The following ZNF791 variants were observed in gnomAD, a reference collection of about 807,000 sequenced individuals.
The protein encoded by ZNF791 is zinc finger protein 791.
ZNF791 carries 4 observed loss-of-function variants against 11.5 expected under a neutral mutation model. The ratio of observed to expected loss-of-function variants is 0.35; its 90% CI spans 0.17 to 0.80. ZNF791 has a LOEUF of 0.80. Among genes scored for constraint, ZNF791 ranks in the 30% least tolerant of loss-of-function variants. The probability of loss-of-function intolerance (pLI) is 0.53; values close to 1 mark genes in which losing one functional copy is unlikely to be tolerated. For missense variants in ZNF791, 559 were observed against 699.4 expected (o/e 0.80, Z 2.26); for synonymous variants, 212 against 228.1 (o/e 0.93, Z 0.64).
At chr19:12,622,524 C>G (rs918662111) in intron 1 of ZNF791, among the ~76,000 whole-genome samples, 1 of 150,790 alleles carries the variant, frequency 6.6e-6, no homozygotes, top group African/African-American at 2.4e-5. Flanking sequence ...TTATTCATAC[C>G]TGTTATCACA....
chr19:12,622,411 CAA>C (rs370413296), intron 1 of ZNF791, among the ~76,000 whole-genome samples: 17 of 79,604 alleles, frequency 2.1e-4, no homozygotes, highest in South Asian at 9.7e-4. Flanking sequence ...CTGTCTCAAA[CAA>C]AAAAAAAAAA....
rs7246599 is a variant in ZNF791, at chr19:12,632,954, G to T, written c.*3694G>T. ...ACTATAAATACAAAAAATTAGCTGG[G>T]CATGGTGGCGGGCGTCTGTAGTCCC... On this transcript the variant is annotated 3_prime_UTR_variant, in exon 4 of 4. Coordinates refer to ENST00000343325, the MANE Select transcript of ZNF791 (RefSeq NM_153358.3). The T allele has an allele frequency of 6.6e-6, 1 of 151,926 alleles. No individual in the cohort carries two copies. The highest frequency in any genetic ancestry group is 6.6e-5 in the Admixed American group (1 of 15,204). The allele number at this position is 151,926 out of a possible 1,614,324, so 9.4% of individuals were successfully genotyped here. A position where few individuals can be genotyped will look rare whatever the true frequency, so the allele number is the denominator to read the frequency against.
chr19:12,625,858 T>A (rs1442839515), intron 3 of ZNF791, among the ~76,000 whole-genome samples: 1 of 151,940 alleles, frequency 6.6e-6, no homozygotes, highest in Non-Finnish European at 1.5e-5. Flanking sequence ...GTTTGTTTGT[T>A]TTGTGAAACA....
intron 1 of ZNF791, among the ~76,000 whole-genome samples, chr19:12,618,808 A>AGTGTGTGTGTGT (rs60468264): frequency 7.0e-6 from 1 of 143,612 alleles, no homozygotes; most frequent in Admixed American, 7.1e-5. Flanking sequence ...TTTACCTCTC[A>AGTGTGTGTGTGT]GTGTGTGTGT....
chr19:12,613,442 G>C (rs8101502), intron 1 of ZNF791, among the ~76,000 whole-genome samples: 9,426 of 152,092 alleles, frequency 0.062, 699 homozygotes, highest in African/African-American at 0.18. Context: ...TTAGCTGGGC[G>C]TGGAGGCGGG....
At position 12,628,938 on chromosome 19, in the gene ZNF791, G is replaced by T; in HGVS notation, c.1409G>T (p.Cys470Phe). The change falls in exon 4 of 4, where the codon TGT (cysteine) becomes TTT (phenylalanine). Residue 470 changes from cysteine (C) to phenylalanine (F), a missense_variant. Cys to Phe is a radical substitution (Grantham distance 205). Coordinates refer to ENST00000343325, the MANE Select transcript of ZNF791 (RefSeq NM_153358.3). The part of the protein sequence containing the change: ...RTHTGEKPYE[C>F]KQCGKAFSCS... ...CACACTGGAGAGAAACCCTATGAAT[G>T]TAAACAATGTGGAAAAGCCTTTAGT... 2 of 1,613,946 alleles carry T rather than the reference G, an allele frequency of 1.2e-6. No individual in the cohort carries two copies. The highest frequency in any genetic ancestry group is 1.7e-6 in the Non-Finnish European group (2 of 1,179,948).
intron 1 of ZNF791, among the ~76,000 whole-genome samples, chr19:12,620,754 C>CTTTTATTTTTTTTTTTTTTTTTTTT (rs2023327828): frequency 1.2e-5 from 1 of 83,446 alleles, no homozygotes; most frequent in African/African-American, 5.4e-5. Flanking sequence ...GATTTATGTT[C>CTTTTATTTTTTTTTTTTTTTTTTTT]TTTTTTTTTT....
chr19:12,617,760 C>CTTTTTTTTTT (rs1019193795), intron 1 of ZNF791, among the ~76,000 whole-genome samples: 3 of 51,688 alleles, frequency 5.8e-5, no homozygotes, highest in Admixed American at 2.7e-4. Flanking sequence ...TGCTGGAACT[C>CTTTTTTTTTT]TTTTTTTTTT....
At chr19:12,615,513 G>A (rs1211296141) in intron 1 of ZNF791, among the ~76,000 whole-genome samples, 2 of 152,064 alleles carry the variant, frequency 1.3e-5, no homozygotes, top group African/African-American at 4.8e-5. Flanking sequence ...GGGCACGATG[G>A]CTCATGCCTG....
At position 12,610,961 on chromosome 19, in the gene ZNF791, T is replaced by A; in HGVS notation, c.-119T>A. Reference sequence around the variant, plus strand: ...ACTGTGCGATCGGGTTGTGCTTAGCTTGGGGTCTCCTGGCCCCTTGACGCG... The same window carrying A: ...ACTGTGCGATCGGGTTGTGCTTAGCATGGGGTCTCCTGGCCCCTTGACGCG... On this transcript the variant is annotated 5_prime_UTR_variant, in exon 1 of 4. The change creates a new upstream start codon in the 5' untranslated region. Coordinates refer to ENST00000343325, the MANE Select transcript of ZNF791 (RefSeq NM_153358.3). The A allele has an allele frequency of 7.2e-7, 1 of 1,379,800 alleles. No homozygotes were observed. Among genetic ancestry groups the A allele is most frequent in the South Asian group, 1.2e-5 (1 of 84,284 alleles). 85.5% of individuals were successfully genotyped at this position (1,379,800 alleles called of 1,614,324 possible). A position where few individuals can be genotyped will look rare whatever the true frequency, so the allele number is the denominator to read the frequency against.
In ZNF791 at chr19:12,628,538, T is replaced by A. The variant is rs542374677; in HGVS notation, c.1009T>A (p.Phe337Ile). The A allele has an allele frequency of 6.2e-7, 1 of 1,605,830 alleles. No individual in the cohort carries two copies. Among genetic ancestry groups the A allele is most frequent in the African/African-American group, 1.3e-5 (1 of 74,574 alleles). The change falls in exon 4 of 4, where the codon TTC becomes ATC. Residue 337 changes from phenylalanine (F) to isoleucine (I), a missense_variant. By Grantham distance (21) the Phe-to-Ile change is conservative (BLOSUM62 0). Coordinates refer to ENST00000343325, the MANE Select transcript of ZNF791 (RefSeq NM_153358.3). ...TAAATGTAAAGAATGTGGGAAATCTTTCAGTGCACGCCCAGCCTTTCGAGT... is the reference window on the plus strand; with the variant it reads ...TAAATGTAAAGAATGTGGGAAATCTATCAGTGCACGCCCAGCCTTTCGAGT... ...PYKCKECGKS[F>I]SARPAFRVHV...
intron 1 of ZNF791, chr19:12,612,277 G>C (rs532260628): frequency 2.2e-5 from 6 of 274,884 alleles, no homozygotes; most frequent in Non-Finnish European, 2.8e-5. Flanking sequence ...GGGCTCAAGC[G>C]ATCCTCCACC....
At chr19:12,621,715 G>A (rs1237064139) in intron 1 of ZNF791, among the ~76,000 whole-genome samples, 1 of 69,930 alleles carries the variant, frequency 1.4e-5, no homozygotes, top group Non-Finnish European at 4.0e-5. Context: ...CCTCCACCTC[G>A]GTGGGGGGTC....
intron 3 of ZNF791, among the ~76,000 whole-genome samples, chr19:12,625,112 ATTTATTTGT>A (rs1425515110): frequency 6.6e-6 from 1 of 150,786 alleles, no homozygotes; most frequent in Non-Finnish European, 1.5e-5. Context: ...AAATTTATTT[ATTTATTTGT>A]TTTATTTATT....
At chr19:12,619,490 C>CCGTGGT (rs370136074) in intron 1 of ZNF791, among the ~76,000 whole-genome samples, 1 of 139,574 alleles carries the variant, frequency 7.2e-6, no homozygotes, top group Non-Finnish European at 1.5e-5. Context: ...CGATTTGTCT[C>CCGTGGT]CCAGGCTGGA....
intron 1 of ZNF791, among the ~76,000 whole-genome samples, chr19:12,620,052 T>C (rs2023314895): frequency 6.6e-6 from 1 of 151,786 alleles, no homozygotes; most frequent in Admixed American, 6.6e-5. Flanking sequence ...GCCTCCCGAG[T>C]AGCTGGGACT....
Position 12,628,383 on chromosome 19 carries a change from G to T in ZNF791, c.854G>T (p.Ser285Ile). 1 of 1,607,548 alleles carries T rather than the reference G, an allele frequency of 6.2e-7. No homozygotes were observed. ...TGTGGAAAGGCATTCATTTTTCCCA[G>T]TTTTTTACGAGTACATGAAAGAATT... ...KECGKAFIFP[S>I]FLRVHERIHT... The change falls in exon 4 of 4, where the codon AGT becomes ATT. Residue 285 changes from serine to isoleucine, a missense_variant. Ser to Ile is a moderately radical substitution (Grantham distance 142). Coordinates refer to ENST00000343325, the MANE Select transcript of ZNF791 (RefSeq NM_153358.3).
At chr19:12,621,763 A>T in intron 1 of ZNF791, among the ~76,000 whole-genome samples, 1 of 97,768 alleles carries the variant, frequency 1.0e-5, no homozygotes, top group Admixed American at 1.0e-4. Context: ...TCCGGGAGGG[A>T]GGTGGGGGGG....
At chr19:12,626,801 T>G (rs1485096791) in intron 3 of ZNF791, among the ~76,000 whole-genome samples, 1 of 150,616 alleles carries the variant, frequency 6.6e-6, no homozygotes, top group Non-Finnish European at 1.5e-5. Context: ...GAGACGGGGT[T>G]TCACCCTGTT....
Sources: gnomAD v4.1 joint callset for allele counts (sites outside exome capture counted in the v4.1 genomes callset) on GRCh38, gnomAD v4.1.1 for gene constraint, MANE v1.5 for transcripts, NCBI Gene and HGNC (gene_info 2026-07-23, HGNC 2026-07-21) for gene names.